The following DTX3L variants were observed in gnomAD, a reference collection of about 807,000 sequenced individuals.
DTX3L encodes the protein E3 ubiquitin-protein ligase DTX3L.
DTX3L carries 34 observed loss-of-function variants against 60.9 expected under a neutral mutation model. The observed-to-expected ratio is 0.56, with a 90% CI of 0.42 to 0.74. The LOEUF (loss-of-function observed/expected upper bound fraction) is 0.74. Ranked by LOEUF, DTX3L falls within the 30% of genes least tolerant of loss-of-function variation. The pLI, the probability that DTX3L is intolerant of heterozygous loss-of-function variation, is 0.00. For synonymous variants in DTX3L, 290 were observed against 316.6 expected (o/e 0.92, Z 0.89); for missense variants, 810 against 874.0 (o/e 0.93, Z 0.92).
At chr3:122,565,749 C>A in intron 1 of DTX3L, 110 bp from the exon 2 acceptor site, 1 of 1,050,194 alleles carries the variant, frequency 9.5e-7, no homozygotes, top group Non-Finnish European at 1.4e-6. Flanking sequence ...CAGGGAGCAG[C>A]CTTACTGGGA....
Position 122,565,750 on chromosome 3 carries a change from C to A in DTX3L, c.188-109C>A, listed in dbSNP as rs577162109. On this transcript the variant is annotated intron_variant, in intron 1 of 4. Transcript: ENST00000296161. ...ACCATTCCAGGATGCAGGGAGCAGC[C>A]TTACTGGGAGGTGCTGGGGCAGAGT... 2.5e-5 allele frequency: 27 copies of A among 1,073,226 alleles called. No individual in the cohort carries two copies. In the East Asian group the frequency reaches 6.6e-4, roughly 26 times the overall value. The allele number at this position is 1,073,226 out of a possible 1,614,324, so 66.5% of individuals were successfully genotyped here. A position where few individuals can be genotyped will look rare whatever the true frequency, so the allele number is the denominator to read the frequency against.
rs144870756 is a variant in DTX3L, at chr3:122,570,599, G to T, written c.2080G>T (p.Val694Leu). ...GATTTTTACAGTGGGGTACTCTCGC[G>T]TATTAGGAGTCTCAGATGTCATCAC... ...KLIFTVGYSR[V>L]LGVSDVITWN... The change falls in exon 4 of 5, where the codon GTA becomes TTA. Residue 694 changes from valine (V) to leucine (L), a missense_variant. Physicochemically the swap from Val to Leu is conservative, Grantham distance 32 (BLOSUM62 1). Transcript: ENST00000296161. 7 of 1,614,140 alleles carry T rather than the reference G, an allele frequency of 4.3e-6. No individual in the cohort carries two copies. Among genetic ancestry groups the T allele is most frequent in the South Asian group, 3.3e-5 (3 of 91,078 alleles).
In DTX3L at chr3:122,569,850, C is replaced by G. The variant is rs1202722273; in HGVS notation, c.1761C>G (p.Asn587Lys). ...ATGAATTCTGCGCCCCTTGTATCAA[C>G]AAAGCCATGTCATATAAGCCAATCT... Reference protein sequence around the residue: ...CKHEFCAPCINKAMSYKPICP... With the variant: ...CKHEFCAPCIKKAMSYKPICP... The change falls in exon 3 of 5, where the codon AAC becomes AAG. Residue 587 changes from asparagine (N) to lysine (K), a missense_variant. Physicochemically the swap from Asn to Lys is moderately conservative, Grantham distance 94. Transcript: ENST00000296161. 1.9e-6 allele frequency: 3 copies of G among 1,614,174 alleles called. No homozygotes were observed. The highest frequency in any genetic ancestry group is 2.5e-6 in the Non-Finnish European group (3 of 1,180,050).
chr3:122,564,610 G>T lies in DTX3L; in HGVS notation c.184G>T (p.Ala62Ser), dbSNP rs1351902821. Residue 62 changes from alanine (A) to serine (S), a missense_variant, in exon 1 of 5, where the codon GCA becomes TCA. Transcript: ENST00000296161. ...GTFRVEFSER[A>S]AKERVLKKGE... Reference sequence around the variant, plus strand: ...CTTCCGGGTGGAGTTCAGTGAAAGGGCAGGTGAGCTTCGGGCGGCCAGGCT... The same window carrying T: ...CTTCCGGGTGGAGTTCAGTGAAAGGTCAGGTGAGCTTCGGGCGGCCAGGCT... The T allele has an allele frequency of 1.3e-6, 2 of 1,589,580 alleles. No individual in the cohort carries two copies. The highest frequency in any genetic ancestry group is 3.6e-5 in the Admixed American group (2 of 54,936).
chr3:122,570,882 A>G (rs1387126112), intron 4 of DTX3L, among the ~76,000 whole-genome samples: 1 of 152,170 alleles, frequency 6.6e-6, no homozygotes, highest in Admixed American at 6.5e-5. Context: ...AGTTATTTAA[A>G]TTTTGCACCA....
Position 122,575,134 on chromosome 3 carries a change from A to G in DTX3L, c.*3387A>G, listed in dbSNP as rs1310020081. ...TGGGAGATTGCAGAGCATTTGGGTT[A>G]CTGCTTTTACTCTTTGGAAGCTGTT... On this transcript the variant is annotated 3_prime_UTR_variant, in exon 5 of 5. Transcript: ENST00000296161. The G allele has an allele frequency of 6.6e-6, 1 of 152,178 alleles. No individual in the cohort carries two copies. The highest frequency in any genetic ancestry group is 1.5e-5 in the Non-Finnish European group (1 of 68,038). The allele number at this position is 152,178 out of a possible 1,614,324, so 9.4% of individuals were successfully genotyped here. A position where few individuals can be genotyped will look rare whatever the true frequency, so the allele number is the denominator to read the frequency against.
At chr3:122,565,788 A>G in intron 1 of DTX3L, 71 bp from the exon 2 acceptor site, 1 of 1,469,104 alleles carries the variant, frequency 6.8e-7, no homozygotes, top group Non-Finnish European at 9.5e-7. Context: ...AGACACAGGA[A>G]TGAGAGGATT....
intron 1 of DTX3L, among the ~76,000 whole-genome samples, chr3:122,564,815 C>T (rs2080529183): frequency 6.6e-6 from 1 of 152,216 alleles, no homozygotes; most frequent in African/African-American, 2.4e-5. Flanking sequence ...TCACATGTGC[C>T]TGGTGCGGGT....
chr3:122,569,771 G>T lies in DTX3L; in HGVS notation c.1682G>T (p.Cys561Phe). 6.2e-7 allele frequency: 1 copy of T among 1,614,160 alleles called. No homozygotes were observed. Among genetic ancestry groups the T allele is most frequent in the Non-Finnish European group, 8.5e-7 (1 of 1,180,040 alleles). Reference protein sequence around the residue: ...SELDKKEKGICVICMDTISNK... With the variant: ...SELDKKEKGIFVICMDTISNK... ...CTGGACAAGAAGGAAAAGGGCATCT[G>T]TGTCATCTGTATGGACACCATTAGT... The change falls in exon 3 of 5, where the codon TGT (cysteine) becomes TTT (phenylalanine). Residue 561 changes from cysteine (C) to phenylalanine (F), a missense_variant. Cys to Phe is a radical substitution (Grantham distance 205, BLOSUM62 -2). Transcript: ENST00000296161.
intron 2 of DTX3L, 50 bp from the exon 3 acceptor site, chr3:122,568,439 G>T (rs756116792): frequency 2.8e-6 from 4 of 1,448,518 alleles, no homozygotes; most frequent in Non-Finnish European, 3.7e-6. Context: ...AAGATGGTAG[G>T]CCTGCATGCT....
chr3:122,570,868 A>G (rs2080640352), intron 4 of DTX3L, among the ~76,000 whole-genome samples, 196 bp downstream of exon 4: 1 of 152,194 alleles, frequency 6.6e-6, no homozygotes. Flanking sequence ...ATAAAGTACT[A>G]TGGAGTTATT....
Position 122,564,593 on chromosome 3 carries a change from T to C in DTX3L, c.167T>C (p.Val56Ala). 1 of 1,597,644 alleles carries C rather than the reference T, an allele frequency of 6.3e-7. No homozygotes were observed. The highest frequency in any genetic ancestry group is 8.5e-7 in the Non-Finnish European group (1 of 1,172,544). The change falls in exon 1 of 5, where the codon GTG (valine) becomes GCG (alanine). Residue 56 changes from valine to alanine, a missense_variant. By Grantham distance (64) the Val-to-Ala change is moderately conservative. Coordinates refer to ENST00000296161, the MANE Select transcript of DTX3L (RefSeq NM_138287.3). ...CACGAAGCCCCGGGCACCTTCCGGG[T>C]GGAGTTCAGTGAAAGGGCAGGTGAG... ...QEHEAPGTFR[V>A]EFSERAAKER...
Position 122,569,064 on chromosome 3 carries a change from G to T in DTX3L, c.975G>T (p.Leu325Phe), listed in dbSNP as rs2080624987. 6.2e-7 allele frequency: 1 copy of T among 1,613,920 alleles called. No homozygotes were observed. Among genetic ancestry groups the T allele is most frequent in the Non-Finnish European group, 8.5e-7 (1 of 1,179,972 alleles). ...SKQANKFKQE[L>F]NHQFTKLLIK... ...AGGCAAATAAATTCAAACAGGAATT[G>T]AATCACCAGTTTACAAAGCTCCTTA... is the stretch of plus-strand genomic sequence containing the variant. The change falls in exon 3 of 5, where the codon TTG (leucine) becomes TTT (phenylalanine). Residue 325 changes from leucine (L) to phenylalanine (F), a missense_variant. Leu to Phe is a conservative substitution (Grantham distance 22). Transcript: ENST00000296161.
In DTX3L at chr3:122,571,871, T is replaced by G. The variant is rs887801694; in HGVS notation, c.*124T>G. 3 of 779,032 alleles carry G rather than the reference T, an allele frequency of 3.9e-6. No homozygotes were observed. Among genetic ancestry groups the G allele is most frequent in the Non-Finnish European group, 6.1e-6 (3 of 495,226 alleles). The allele number at this position is 779,032 out of a possible 1,614,324, so 48.3% of individuals were successfully genotyped here. A position where few individuals can be genotyped will look rare whatever the true frequency, so the allele number is the denominator to read the frequency against. The stretch of plus-strand genomic sequence containing the variant: ...GAAATTTTTCTTCTCAAGAAATGGT[T>G]TGTATAAGAATAACAATCTGCTAGT... On this transcript the variant is annotated 3_prime_UTR_variant, in exon 5 of 5. Coordinates refer to ENST00000296161, the MANE Select transcript of DTX3L (RefSeq NM_138287.3).
intron 1 of DTX3L, among the ~76,000 whole-genome samples, chr3:122,565,512 TAAAAAAAAAAAA>T (rs770609802): frequency 5.6e-5 from 3 of 53,102 alleles, no homozygotes; most frequent in African/African-American, 1.6e-4. Context: ...AGACTCCGTC[TAAAAAAAAAAAA>T]AAAAAAAAAA....
At chr3:122,567,894 C>A (rs1016536417) in intron 2 of DTX3L, among the ~76,000 whole-genome samples, 7 of 152,210 alleles carry the variant, frequency 4.6e-5, no homozygotes, top group African/African-American at 1.7e-4. Flanking sequence ...GATTAGTTAA[C>A]ATCAGAATCT....
Position 122,571,808 on chromosome 3 carries a change from T to C in DTX3L, c.*61T>C. 12 of 1,404,912 alleles carry C rather than the reference T, an allele frequency of 8.5e-6. No homozygotes were observed. The highest frequency in any genetic ancestry group is 1.2e-5 in the Non-Finnish European group (12 of 1,016,036). 87.0% of individuals were successfully genotyped at this position (1,404,912 alleles called of 1,614,324 possible). ...AAAAAAATATATTTTAGGAGGCTGATTTAATGCCAGTCTAAATCCTTATGT... is the reference window on the plus strand; with the variant it reads ...AAAAAAATATATTTTAGGAGGCTGACTTAATGCCAGTCTAAATCCTTATGT... On this transcript the variant is annotated 3_prime_UTR_variant, in exon 5 of 5. Coordinates refer to ENST00000296161, the MANE Select transcript of DTX3L (RefSeq NM_138287.3).
At chr3:122,570,262 AT>A in intron 3 of DTX3L, 192 bp from the exon 4 acceptor site, 1 of 725,748 alleles carries the variant, frequency 1.4e-6, no homozygotes, top group Non-Finnish European at 2.2e-6. Context: ...AGATGGGGGT[AT>A]CAGGAAGGTG....
In DTX3L at chr3:122,569,037, G is replaced by T. The variant is rs777521471; in HGVS notation, c.948G>T (p.Lys316Asn). Residue 316 changes from lysine (K) to asparagine (N), a missense_variant, in exon 3 of 5, where the codon AAG (lysine) becomes AAT (asparagine). By Grantham distance (94) the Lys-to-Asn change is moderately conservative (BLOSUM62 0). Transcript: ENST00000296161. ...AATGTGTCTCTTTAGCAGACAGTAA[G>T]CAGGCAAATAAATTCAAACAGGAAT... ...KQECVSLADS[K>N]QANKFKQELN... The T allele has an allele frequency of 6.2e-7, 1 of 1,614,044 alleles. No individual in the cohort carries two copies. The highest frequency in any genetic ancestry group is 1.1e-5 in the South Asian group (1 of 91,064).
Sources: gnomAD v4.1 joint callset for allele counts (sites outside exome capture counted in the v4.1 genomes callset) on GRCh38, gnomAD v4.1.1 for gene constraint, MANE v1.5 for transcripts, NCBI Gene and HGNC (gene_info 2026-07-23, HGNC 2026-07-21) for gene names.